IGDCC3: variants seen among roughly 807,000 people sequenced by gnomAD.
IGDCC3 encodes immunoglobulin superfamily DCC subclass member 3.
Under a neutral mutation model 72.0 loss-of-function variants are expected in IGDCC3, and 47 were observed. The ratio of observed to expected loss-of-function variants is 0.65; its 90% CI spans 0.52 to 0.83. IGDCC3 has a LOEUF of 0.83. IGDCC3 is among the 40% of genes least tolerant of loss of function. IGDCC3 has a pLI of 0.00. For synonymous variants in IGDCC3, 477 were observed against 472.8 expected, an observed-to-expected ratio of 1.01 and a Z score of -0.11; for missense variants, 1,038 against 1,091.3, an observed-to-expected ratio of 0.95 and a Z score of 0.69.
chr15:65,337,523 G>A (rs1362762046), intron 2 of IGDCC3, among the ~76,000 whole-genome samples: 1 of 152,160 alleles, frequency 6.6e-6, no homozygotes, highest in African/African-American at 2.4e-5. Context: ...GGAGGTGGGG[G>A]CAAGTGTCCC....
Position 65,335,312 on chromosome 15 carries a change from C to T in IGDCC3, c.664G>A (p.Gly222Arg), listed in dbSNP as rs769648009. 1.1e-5 allele frequency: 17 copies of T among 1,612,440 alleles called. No individual in the cohort carries two copies. Among genetic ancestry groups the T allele is most frequent in the Non-Finnish European group, 1.4e-5 (17 of 1,179,228 alleles). Residue 222 changes from glycine (G) to arginine (R), a missense_variant, in exon 4 of 14, where the codon GGG (glycine) becomes AGG (arginine). Coordinates refer to ENST00000327987, the MANE Select transcript of IGDCC3 (RefSeq NM_004884.4). ...TCACCTGACACAGTGAGCCTGGCCCCGTGGCTGATCCGGATACTGGCGATG... is the reference window on the plus strand; with the variant it reads ...TCACCTGACACAGTGAGCCTGGCCCTGTGGCTGATCCGGATACTGGCGATG... Reference protein sequence around the residue: ...SNIASIRISHGARLTVSGSGS... With the variant: ...SNIASIRISHRARLTVSGSGS...
In IGDCC3 at chr15:65,327,563, T is replaced by G. The variant is rs1053279842; in HGVS notation, c.*1346A>C. The G allele has an allele frequency of 1.3e-5, 2 of 152,476 alleles. No individual in the cohort carries two copies. Among genetic ancestry groups the G allele is most frequent in the Middle Eastern group, 3.4e-3 (1 of 294 alleles). 9.4% of individuals were successfully genotyped at this position (152,476 alleles called of 1,614,324 possible). On this transcript the variant is annotated 3_prime_UTR_variant, in exon 14 of 14. Transcript: ENST00000327987. ...CTATTTAAAAAAATGTTTCTGAGTA[T>G]AACCAAAAATAGGTATTTGTTTCCT...
intron 2 of IGDCC3, among the ~76,000 whole-genome samples, chr15:65,359,741 G>A (rs1217885855): frequency 6.6e-6 from 1 of 152,206 alleles, no homozygotes; most frequent in Non-Finnish European, 1.5e-5. Context: ...GTTAGATGCA[G>A]AGAAATGGAT....
Position 65,377,404 on chromosome 15 carries a change from C to T in IGDCC3, c.103+282G>A, listed in dbSNP as rs2091365468. ...CCTCGGTCTCCACGCCAGCCCGCCC[C>T]GCTTGCTCCCGCTTCGCTGCACTCC... On this transcript the variant is annotated intron_variant, in intron 1 of 13. Transcript: ENST00000327987. The surrounding 1 kb of genome is among the most constrained non-coding windows in gnomAD (Gnocchi z 4.9). Among the ~76,000 whole-genome samples, 1 of 152,200 alleles carries T rather than the reference C, an allele frequency of 6.6e-6. No individual in the cohort carries two copies. Among genetic ancestry groups the T allele is most frequent in the Non-Finnish European group, 1.5e-5 (1 of 68,018 alleles).
Position 65,331,141 on chromosome 15 carries a change from G to A in IGDCC3, c.1470C>T (p.Pro490=). ...TFQHLVSDLE[P]STAYSFYIKA... ...TGATGTAGAAACTGTAGGCTGTGGA[G>A]GGCTCCAGGTCGCTGACCAGGTGCT... Residue 490 remains proline (P), a synonymous_variant, in exon 9 of 14, where the codon CCC becomes CCT. Transcript: ENST00000327987. The A allele has an allele frequency of 6.2e-7, 1 of 1,614,140 alleles. No homozygotes were observed.
Position 65,335,278 on chromosome 15 carries a change from G to A in IGDCC3, c.685+13C>T, listed in dbSNP as rs1296046274. ...GGTGGGGAGGTTGGGGGAAAGTGCTGAAGGACCCTCACCTGACACAGTGAG... is the reference window on the plus strand; with the variant it reads ...GGTGGGGAGGTTGGGGGAAAGTGCTAAAGGACCCTCACCTGACACAGTGAG... On this transcript the variant is annotated intron_variant, in intron 4 of 13. Coordinates refer to ENST00000327987, the MANE Select transcript of IGDCC3 (RefSeq NM_004884.4). 6.2e-7 allele frequency: 1 copy of A among 1,601,098 alleles called. No individual in the cohort carries two copies. The highest frequency in any genetic ancestry group is 2.2e-5 in the East Asian group (1 of 44,788).
At chr15:65,330,498 T>C (rs2090966649) in intron 10 of IGDCC3, 52 bp downstream of exon 10, 1 of 1,588,264 alleles carries the variant, frequency 6.3e-7, no homozygotes, top group Non-Finnish European at 8.6e-7. Flanking sequence ...CTCCTGGCCC[T>C]CAGCGCCGCA....
chr15:65,350,756 C>T (rs970955789), intron 2 of IGDCC3, among the ~76,000 whole-genome samples: 1 of 152,194 alleles, frequency 6.6e-6, no homozygotes, highest in African/African-American at 2.4e-5. Flanking sequence ...GCCATGGTAC[C>T]CGACCAAGAG....
Position 65,339,132 on chromosome 15 carries a change from A to G in IGDCC3, c.410-3176T>C, listed in dbSNP as rs953257113. 7.9e-5 allele frequency among the ~76,000 whole-genome samples: 12 copies of G among 151,882 alleles called. No homozygotes were observed. Among genetic ancestry groups the G allele is most frequent in the Middle Eastern group, 3.4e-3 (1 of 292 alleles). On this transcript the variant is annotated intron_variant, in intron 2 of 13. Transcript: ENST00000327987. The surrounding 1 kb of genome is among the most constrained non-coding windows in gnomAD (Gnocchi z 4.1). ...AATCTTGCTCTGTCACCCAGGCTGGAGTGCAATGGCATGATCTCAGCTCAC... is the reference window on the plus strand; with the variant it reads ...AATCTTGCTCTGTCACCCAGGCTGGGGTGCAATGGCATGATCTCAGCTCAC...
At position 65,332,027 on chromosome 15, in the gene IGDCC3, C is replaced by G. The variant is rs548586842; in HGVS notation, c.1062G>C (p.Gln354His). The change falls in exon 7 of 14, where the codon CAG becomes CAC. Residue 354 changes from glutamine (Q) to histidine (H), a missense_variant. Transcript: ENST00000327987. ...GTTAMFTCQA[Q>H]GEPPPHVTWL... ...ACGTGACATGAGGCGGTGGCTCACCCTGGGCTTGGCAGGTGAACATGGCTG... is the reference window on the plus strand; with the variant it reads ...ACGTGACATGAGGCGGTGGCTCACCGTGGGCTTGGCAGGTGAACATGGCTG... 3 of 1,614,212 alleles carry G rather than the reference C, an allele frequency of 1.9e-6. No individual in the cohort carries two copies. Among genetic ancestry groups the G allele is most frequent in the Non-Finnish European group, 2.5e-6 (3 of 1,180,028 alleles).
At chr15:65,351,500 T>C (rs370957484) in intron 2 of IGDCC3, among the ~76,000 whole-genome samples, 3,194 of 150,112 alleles carry the variant, frequency 0.021, 112 homozygotes, top group African/African-American at 0.075. Flanking sequence ...CACCACTGCA[T>C]TCCAGCCTGG....
chr15:65,335,238 A>T lies in IGDCC3; in HGVS notation c.685+53T>A, dbSNP rs2091016896. 3.9e-6 allele frequency: 6 copies of T among 1,540,364 alleles called. No homozygotes were observed. The Admixed American group carries it at 1.1e-4, about 28-fold the overall frequency. Reference sequence around the variant, plus strand: ...GAAGGGGGTTGATCTAAGGGTAGGGAGGAGGAGGAGGCCAGGTGGGGAGGT... The same window carrying T: ...GAAGGGGGTTGATCTAAGGGTAGGGTGGAGGAGGAGGCCAGGTGGGGAGGT... On this transcript the variant is annotated intron_variant, in intron 4 of 13. Transcript: ENST00000327987.
At position 65,328,755 on chromosome 15, in the gene IGDCC3, G is replaced by A. The variant is rs1000264556; in HGVS notation, c.*154C>T. On this transcript the variant is annotated 3_prime_UTR_variant, in exon 14 of 14. Coordinates refer to ENST00000327987, the MANE Select transcript of IGDCC3 (RefSeq NM_004884.4). ...TTAGGGCCGGGGGGTCCCTGTCAAG[G>A]CTGCCTTGGGTTTTGACAACCCAAG... 1 of 939,662 alleles carries A rather than the reference G, an allele frequency of 1.1e-6. No individual in the cohort carries two copies. The highest frequency in any genetic ancestry group is 1.5e-6 in the Non-Finnish European group (1 of 677,658). 58.2% of individuals were successfully genotyped at this position (939,662 alleles called of 1,614,324 possible).
intron 2 of IGDCC3, among the ~76,000 whole-genome samples, chr15:65,358,104 AT>A (rs35238946): frequency 0.41 from 57,300 of 139,726 alleles, 11,226 homozygotes; most frequent in East Asian, 0.48. Flanking sequence ...TCCAAGACAT[AT>A]TTTTTTTTTT....
rs190497116 is a variant in IGDCC3, at chr15:65,377,663, C to T, written c.103+23G>A. ...TCCCCTGGCTCCGTCCGCAACCGCC[C>T]GGTCCGGGGCGCTTTCACTCACCCT... On this transcript the variant is annotated intron_variant, in intron 1 of 13. Transcript: ENST00000327987. The surrounding 1 kb of genome is among the most constrained non-coding windows in gnomAD (Gnocchi z 4.9). The T allele has an allele frequency of 1.7e-3, 2,438 of 1,433,588 alleles. 36 individuals are homozygous for T. The African/African-American group carries it at 0.032, about 19-fold the overall frequency. 88.8% of individuals were successfully genotyped at this position (1,433,588 alleles called of 1,614,324 possible). A position where few individuals can be genotyped will look rare whatever the true frequency, so the allele number is the denominator to read the frequency against.
At chr15:65,361,449 C>CG (rs1461630916) in intron 2 of IGDCC3, among the ~76,000 whole-genome samples, 1 of 146,392 alleles carries the variant, frequency 6.8e-6, no homozygotes, top group Non-Finnish European at 1.5e-5. Context: ...AAGACCCTGT[C>CG]GAAAAAAAAA....
chr15:65,346,899 T>C (rs914833691), intron 2 of IGDCC3, among the ~76,000 whole-genome samples: 1 of 152,164 alleles, frequency 6.6e-6, no homozygotes, highest in African/African-American at 2.4e-5. Context: ...CTGCAACCTT[T>C]GAGGCACATC....
chr15:65,334,787 G>T lies in IGDCC3; in HGVS notation c.764C>A (p.Ala255Glu), dbSNP rs566110098. 4.3e-6 allele frequency: 7 copies of T among 1,610,630 alleles called. No homozygotes were observed. The highest frequency in any genetic ancestry group is 1.1e-5 in the South Asian group (1 of 90,264). The change falls in exon 5 of 14, where the codon GCG (alanine) becomes GAG (glutamate). Residue 255 changes from alanine (A) to glutamate (E), a missense_variant. Transcript: ENST00000327987. Reference sequence around the variant, plus strand: ...GCCCGTGGCGACACACTCAAGCACCGCGGTCTGGTGCACTGTCAGGGTGAG... The same window carrying T: ...GCCCGTGGCGACACACTCAAGCACCTCGGTCTGGTGCACTGTCAGGGTGAG... ...ENLTLTVHQT[A>E]VLECVATGNP...
intron 2 of IGDCC3, among the ~76,000 whole-genome samples, chr15:65,345,558 GCACACACACA>G (rs139591852): frequency 1.4e-5 from 2 of 145,758 alleles, no homozygotes; most frequent in Admixed American, 6.9e-5. Context: ...TGTCTCACAC[GCACACACACA>G]CACACACACA....
Sources: allele counts gnomAD v4.1 joint callset (sites outside exome capture counted in the v4.1 genomes callset), GRCh38; gene constraint gnomAD v4.1.1; non-coding constraint Gnocchi (gnomAD v3.1); transcripts MANE v1.5; gene names NCBI Gene and HGNC (gene_info 2026-07-23, HGNC 2026-07-21).